Variants in PAK3 observed in about 807,000 individuals in gnomAD.
PAK3 encodes the protein serine/threonine-protein kinase PAK 3.
PAK3 carries 4 observed loss-of-function variants against 41.0 expected under a neutral mutation model. The ratio of observed to expected loss-of-function variants is 0.10; its 90% CI spans 0.05 to 0.22. The LOEUF is 0.22. PAK3 is among the 10% of genes least tolerant of loss of function. The pLI is 1.00. For missense variants in PAK3, 205 were observed against 409.9 expected (o/e 0.50, Z 4.32); for synonymous variants, 146 against 139.6 (o/e 1.05, Z -0.32).
chrX:110,972,237 T>C (rs192773730), intron 1 of PAK3, among the ~76,000 whole-genome samples: 1 of 111,617 alleles, frequency 9.0e-6, no homozygotes, highest in Non-Finnish European at 1.9e-5. Flanking sequence ...AGTGCTTCAC[T>C]GCGTTTGAGC....
At chrX:110,958,857 G>C in intron 1 of PAK3, among the ~76,000 whole-genome samples, 1 of 111,572 alleles carries the variant, frequency 9.0e-6, no homozygotes, top group South Asian at 3.8e-4. Context: ...AATGCTGTAT[G>C]ATTGATTAAC....
chrX:111,064,459 C>T (rs2092685468), intron 1 of PAK3, among the ~76,000 whole-genome samples: 1 of 106,069 alleles, frequency 9.4e-6, no homozygotes, highest in Non-Finnish European at 1.9e-5. Flanking sequence ...CTCCCTCCCC[C>T]TCTAGTAGTC....
intron 1 of PAK3, among the ~76,000 whole-genome samples, chrX:110,950,237 T>C (rs926040560): frequency 7.1e-5 from 8 of 112,187 alleles, no homozygotes; most frequent in African/African-American, 2.3e-4. Flanking sequence ...TCCCCCACCA[T>C]GTTCACAGGT....
At chrX:111,028,565 A>G (rs1311756204) in intron 1 of PAK3, among the ~76,000 whole-genome samples, 2 of 111,800 alleles carry the variant, frequency 1.8e-5, no homozygotes, top group Non-Finnish European at 3.8e-5. Flanking sequence ...ACAAAAAAAA[A>G]GCAATTAAAA....
Position 110,945,026 on chromosome X carries a change from C to G in PAK3, c.-28+398C>G, listed in dbSNP as rs72619710. ...TGGGGCTTTGTTACATACAACAAAACCAGTCCTCCTCAGCTTCCAGCTCCA... is the reference window on the plus strand; with the variant it reads ...TGGGGCTTTGTTACATACAACAAAAGCAGTCCTCCTCAGCTTCCAGCTCCA... On this transcript the variant is annotated intron_variant, in intron 1 of 14. Coordinates refer to the PAK3 transcript ENST00000425146. Among the ~76,000 whole-genome samples the G allele has an allele frequency of 5.3e-4, 60 of 112,384 alleles. No individual in the cohort carries two copies. The East Asian group carries it at 0.016, about 31-fold the overall frequency.
chrX:111,178,589 T>C (rs1348282336), intron 11 of PAK3, among the ~76,000 whole-genome samples: 2 of 111,289 alleles, frequency 1.8e-5, no homozygotes, highest in African/African-American at 3.3e-5. Flanking sequence ...CAGTAAATGC[T>C]AGTTATTATT....
At chrX:111,047,559 C>G (rs774972620) in intron 1 of PAK3, among the ~76,000 whole-genome samples, 1 of 110,919 alleles carries the variant, frequency 9.0e-6, no homozygotes, top group African/African-American at 3.3e-5. Flanking sequence ...CCAGCAAAGC[C>G]CTGCAGATGA....
chrX:111,028,677 G>A (rs918786547), intron 1 of PAK3, among the ~76,000 whole-genome samples: 13 of 111,861 alleles, frequency 1.2e-4, no homozygotes, highest in Non-Finnish European at 2.4e-4. Flanking sequence ...AGCAATAATA[G>A]GAGCAAACAC....
At position 111,222,759 on chromosome X, in the gene PAK3, CTT is replaced by C. The variant is rs1252068006; in HGVS notation, c.*2319_*2320del. 1.8e-5 allele frequency: 2 copies of C among 109,960 alleles called. No individual in the cohort carries two copies. The highest frequency in any genetic ancestry group is 3.8e-5 in the Non-Finnish European group (2 of 52,630). The allele number at this position is 109,960 out of a possible 1,213,427, so 9.1% of individuals were successfully genotyped here. A position where few individuals can be genotyped will look rare whatever the true frequency, so the allele number is the denominator to read the frequency against. On this transcript the variant is annotated 3_prime_UTR_variant, in exon 18 of 18. Transcript: ENST00000372007. ...AGCATCCCTTACATGTTGAGAAGGC[CTT>C]TTTTTTGTTGTTATTTTGGAGACCT... is the stretch of plus-strand genomic sequence containing the variant.
chrX:111,176,556 C>G (rs1359151330), intron 11 of PAK3, among the ~76,000 whole-genome samples: 1 of 111,415 alleles, frequency 9.0e-6, no homozygotes, highest in Non-Finnish European at 1.9e-5. Context: ...TTCCTCTGTC[C>G]TCTGTATTTA....
chrX:111,150,778 A>C (rs1429420302), intron 7 of PAK3, among the ~76,000 whole-genome samples: 1 of 112,032 alleles, frequency 8.9e-6, no homozygotes, highest in Non-Finnish European at 1.9e-5. Flanking sequence ...AAATATATAT[A>C]CCAAATAATA....
chrX:111,057,252 A>G (rs1312579407), intron 1 of PAK3, among the ~76,000 whole-genome samples: 1 of 111,920 alleles, frequency 8.9e-6, no homozygotes, highest in Non-Finnish European at 1.9e-5. Context: ...AACTAAAACC[A>G]TGATGAGGTA....
chrX:110,987,569 T>A (rs1408484517), intron 1 of PAK3, among the ~76,000 whole-genome samples: 1 of 111,910 alleles, frequency 8.9e-6, no homozygotes, highest in Non-Finnish European at 1.9e-5. Context: ...CCTCTTTGGG[T>A]CTCTGTTTTT....
chrX:111,166,908 TG>T (rs1190645759), intron 10 of PAK3, among the ~76,000 whole-genome samples: 2 of 111,907 alleles, frequency 1.8e-5, no homozygotes, highest in East Asian at 2.8e-4. Context: ...AAGTCATCAC[TG>T]GGTCTGAGTC....
chrX:110,945,220 GGT>G (rs764504662), intron 1 of PAK3, among the ~76,000 whole-genome samples: 23 of 107,653 alleles, frequency 2.1e-4, no homozygotes, highest in South Asian at 8.0e-4. Context: ...GAGTTGGAGT[GGT>G]GTGTGTGTGT....
intron 1 of PAK3, among the ~76,000 whole-genome samples, chrX:111,090,020 GC>G (rs1243413287): frequency 9.1e-6 from 1 of 110,377 alleles, no homozygotes; most frequent in Non-Finnish European, 1.9e-5. Flanking sequence ...CCACAAAGAC[GC>G]CACTGATATT....
At chrX:110,961,500 G>C (rs1011286838) in intron 1 of PAK3, among the ~76,000 whole-genome samples, 4 of 111,557 alleles carry the variant, frequency 3.6e-5, no homozygotes, top group African/African-American at 9.8e-5. Flanking sequence ...CTCAAACCTA[G>C]ATGTACCTGT....
chrX:111,185,491 A>G (rs1352287099), intron 11 of PAK3, among the ~76,000 whole-genome samples: 1 of 111,092 alleles, frequency 9.0e-6, no homozygotes, highest in Non-Finnish European at 1.9e-5. Context: ...CCTGAATGGT[A>G]TTGCCTAGGT....
chrX:111,032,268 C>G (rs1300676712), intron 1 of PAK3, among the ~76,000 whole-genome samples: 1 of 111,834 alleles, frequency 8.9e-6, no homozygotes, highest in Non-Finnish European at 1.9e-5. Flanking sequence ...CAGAAACTTT[C>G]CCAAGCTTGC....
Sources: allele counts gnomAD v4.1 joint callset (sites outside exome capture counted in the v4.1 genomes callset), GRCh38; gene constraint gnomAD v4.1.1; transcripts MANE v1.5; gene names NCBI Gene and HGNC (gene_info 2026-07-23, HGNC 2026-07-21).